CERKL: variants seen among roughly 807,000 people sequenced by gnomAD.
CERKL encodes ceramide kinase-like protein.
In CERKL, 61 loss-of-function variants were observed where a neutral mutation model predicts 63.4. That is an observed-to-expected ratio of 0.96 (90% CI 0.78 to 1.19). CERKL has a LOEUF of 1.19. Among genes scored for constraint, CERKL ranks in the 50% most tolerant of loss-of-function variants. The pLI is 0.00. For missense variants in CERKL, 675 were observed against 655.5 expected, an observed-to-expected ratio of 1.03 and a Z score of -0.33; for synonymous variants, 250 against 230.5, an observed-to-expected ratio of 1.08 and a Z score of -0.77.
intron 1 of CERKL, among the ~76,000 whole-genome samples, chr2:181,610,392 A>G (rs1442884716): frequency 2.0e-5 from 3 of 152,232 alleles, no homozygotes; most frequent in African/African-American, 7.2e-5. Context: ...TGGGAATGCA[A>G]AAATGGTAAT....
intron 1 of CERKL, among the ~76,000 whole-genome samples, chr2:181,652,367 T>C (rs1687978328): frequency 6.6e-6 from 1 of 152,146 alleles, no homozygotes; most frequent in Non-Finnish European, 1.5e-5. Flanking sequence ...ACTGAATTTT[T>C]AAGATGTCAA....
chr2:181,648,689 G>C (rs1468201014), intron 1 of CERKL, among the ~76,000 whole-genome samples: 10 of 152,272 alleles, frequency 6.6e-5, no homozygotes, highest in South Asian at 2.1e-4. Flanking sequence ...CGATCCTCTA[G>C]ATGAAGGTTT....
intron 1 of CERKL, among the ~76,000 whole-genome samples, chr2:181,638,292 G>A (rs909073608): frequency 2.6e-5 from 4 of 152,084 alleles, no homozygotes; most frequent in Non-Finnish European, 5.9e-5. Flanking sequence ...TCCAGTAAAA[G>A]GAACCAGGAC....
rs1403234585 is a variant in CERKL, at chr2:181,537,430, G to GTTACTTGTATCATGAAT, written c.*737_*753dup. 4.4e-6 allele frequency: 2 copies of GTTACTTGTATCATGAAT among 453,748 alleles called. No homozygotes were observed. The highest frequency in any genetic ancestry group is 8.8e-6 in the Non-Finnish European group (2 of 226,724). 28.1% of individuals were successfully genotyped at this position (453,748 alleles called of 1,614,324 possible). A position where few individuals can be genotyped will look rare whatever the true frequency, so the allele number is the denominator to read the frequency against. On this transcript the variant is annotated 3_prime_UTR_variant, in exon 13 of 13. Coordinates refer to ENST00000410087, the MANE Select transcript of CERKL (RefSeq NM_201548.5). ...ATAGTATTTGTTATCAACTTACTTTGTTACTTGTATCATGAATTTTAAAAC... is the reference window on the plus strand; with the variant it reads ...ATAGTATTTGTTATCAACTTACTTTGTTACTTGTATCATGAATTTACTTGTATCATGAATTTTAAAAC...
intron 2 of CERKL, among the ~76,000 whole-genome samples, chr2:181,597,515 C>G (rs1685269400): frequency 6.6e-6 from 1 of 152,116 alleles, no homozygotes; most frequent in Non-Finnish European, 1.5e-5. Flanking sequence ...TGGGAAGAAG[C>G]TGGGGTGCAG....
At chr2:181,538,942 T>C in intron 12 of CERKL, 150 bp downstream of exon 12, 1 of 646,080 alleles carries the variant, frequency 1.5e-6, no homozygotes, top group South Asian at 1.9e-5. Flanking sequence ...TTATTGAAAT[T>C]TGTGCATGTC....
At chr2:181,642,728 T>A (rs1687498113) in intron 1 of CERKL, among the ~76,000 whole-genome samples, 1 of 152,090 alleles carries the variant, frequency 6.6e-6, no homozygotes, top group South Asian at 2.1e-4. Context: ...TTCAAAGGCC[T>A]AGTTTTATTT....
intron 4 of CERKL, among the ~76,000 whole-genome samples, chr2:181,561,591 T>C (rs1422182886): frequency 6.6e-6 from 1 of 152,094 alleles, no homozygotes; most frequent in Non-Finnish European, 1.5e-5. Flanking sequence ...TGCAAAGCTA[T>C]CATTTGCAGG....
At chr2:181,545,599 A>T (rs1369871992) in intron 10 of CERKL, among the ~76,000 whole-genome samples, 1 of 152,220 alleles carries the variant, frequency 6.6e-6, no homozygotes, top group African/African-American at 2.4e-5. Context: ...AGATTATCTC[A>T]TCATTCGCTC....
In CERKL at chr2:181,536,916, C is replaced by CAATTCTGGGAAAGATTTCTTT. The variant is rs1314656952; in HGVS notation, c.*1247_*1267dup. 15 of 453,220 alleles carry CAATTCTGGGAAAGATTTCTTT rather than the reference C, an allele frequency of 3.3e-5. No homozygotes were observed. The East Asian group carries it at 7.6e-4, about 23-fold the overall frequency. 28.1% of individuals were successfully genotyped at this position (453,220 alleles called of 1,614,324 possible). On this transcript the variant is annotated 3_prime_UTR_variant, in exon 13 of 13. Coordinates refer to ENST00000410087, the MANE Select transcript of CERKL (RefSeq NM_201548.5). ...CAAATTAGAAGGCAATGTGGAAAAACAATTCTGGGAAAGATTTCTTTATAT... is the reference window on the plus strand; with the variant it reads ...CAAATTAGAAGGCAATGTGGAAAAACAATTCTGGGAAAGATTTCTTTAATTCTGGGAAAGATTTCTTTATAT...
At chr2:181,652,010 T>C (rs1438445473) in intron 1 of CERKL, among the ~76,000 whole-genome samples, 1 of 152,102 alleles carries the variant, frequency 6.6e-6, no homozygotes, top group Non-Finnish European at 1.5e-5. Flanking sequence ...TCTTCCCACA[T>C]CAATAAATGG....
chr2:181,538,746 TATTCAGATGGCTCCACTA>T (rs1687336931), intron 12 of CERKL, among the ~76,000 whole-genome samples: 1 of 152,304 alleles, frequency 6.6e-6, no homozygotes, highest in African/African-American at 2.4e-5. Flanking sequence ...AACACTTTAC[TATTCAGATGGCTCCACTA>T]AAAGATTTAA....
chr2:181,614,783 G>T (rs926510164), intron 1 of CERKL, among the ~76,000 whole-genome samples: 4 of 151,784 alleles, frequency 2.6e-5, no homozygotes, highest in African/African-American at 9.7e-5. Context: ...CATACTTTGG[G>T]GCATGTATTT....
chr2:181,561,005 T>C (rs1688416075), intron 4 of CERKL, among the ~76,000 whole-genome samples: 1 of 152,078 alleles, frequency 6.6e-6, no homozygotes, highest in African/African-American at 2.4e-5. Flanking sequence ...CTTTTGGCCA[T>C]GAAGGTCACA....
intron 1 of CERKL, among the ~76,000 whole-genome samples, chr2:181,620,401 T>C (rs891651475): frequency 2.0e-5 from 3 of 152,190 alleles, no homozygotes; most frequent in Non-Finnish European, 4.4e-5. Context: ...GCCCTCTAAA[T>C]TGTCCAAAGG....
chr2:181,622,268 C>G (rs1365612117), intron 1 of CERKL, among the ~76,000 whole-genome samples: 1 of 152,214 alleles, frequency 6.6e-6, no homozygotes, highest in Non-Finnish European at 1.5e-5. Context: ...ATGCTCTTTG[C>G]CCCCATGTTG....
At chr2:181,617,998 T>C (rs533777408) in intron 1 of CERKL, among the ~76,000 whole-genome samples, 3 of 152,344 alleles carry the variant, frequency 2.0e-5, no homozygotes, top group African/African-American at 7.2e-5. Context: ...AGCTGTCTTC[T>C]ATTAAGCCAG....
intron 2 of CERKL, among the ~76,000 whole-genome samples, chr2:181,591,785 T>C (rs2105876830): frequency 6.6e-6 from 1 of 152,236 alleles, no homozygotes; most frequent in East Asian, 1.9e-4. Context: ...AATAAATATG[T>C]CCTAACTCCG....
At position 181,558,195 on chromosome 2, in the gene CERKL, C is replaced by T. The variant is rs1688289771; in HGVS notation, c.820+371G>A. The stretch of plus-strand genomic sequence containing the variant: ...TTGTAAGCAGCTAGACTGGAGTGGC[C>T]CTGTTTTGAAACTTCTTACCTGGTA... On this transcript the variant is annotated intron_variant, in intron 5 of 12. Coordinates refer to ENST00000410087, the MANE Select transcript of CERKL (RefSeq NM_201548.5). This position sits in a 1 kb window ranked among gnomAD's most constrained non-coding sequence, Gnocchi z 4.2. Among the ~76,000 whole-genome samples the T allele has an allele frequency of 6.6e-6, 1 of 152,098 alleles. No individual in the cohort carries two copies. The highest frequency in any genetic ancestry group is 6.5e-5 in the Admixed American group (1 of 15,270).
Sources: allele counts gnomAD v4.1 joint callset (sites outside exome capture counted in the v4.1 genomes callset), GRCh38; gene constraint gnomAD v4.1.1; non-coding constraint Gnocchi (gnomAD v3.1); transcripts MANE v1.5; gene names NCBI Gene and HGNC (gene_info 2026-07-23, HGNC 2026-07-21).